The following ANKLE2 variants were observed in gnomAD, a reference collection of about 807,000 sequenced individuals.
The protein encoded by ANKLE2 is ankyrin repeat and LEM domain-containing protein 2.
Under a neutral mutation model 84.2 loss-of-function variants are expected in ANKLE2, and 55 were observed. The observed-to-expected ratio is 0.65, with a 90% CI of 0.53 to 0.82. The LOEUF is 0.82. Ranked by LOEUF, ANKLE2 falls within the 40% of genes least tolerant of loss-of-function variation. The pLI is 0.00. For missense variants in ANKLE2, 1,238 were observed against 1,201.9 expected (o/e 1.03, Z -0.44); for synonymous variants, 551 against 486.1 (o/e 1.13, Z -1.76).
chr12:132,741,380 C>A (rs200888327), intron 7 of ANKLE2, 39 bp downstream of exon 7: 1 of 1,606,264 alleles, frequency 6.2e-7, no homozygotes, highest in Non-Finnish European at 8.5e-7. Flanking sequence ...CCCTTCCCGG[C>A]GTGGACCCCA....
rs772473619 is a variant in ANKLE2, at chr12:132,734,483, C to A, written c.1793G>T (p.Arg598Ile). 9.3e-6 allele frequency: 15 copies of A among 1,614,116 alleles called. No individual in the cohort carries two copies. In the South Asian group the frequency reaches 1.6e-4, roughly 18 times the overall value. Residue 598 changes from arginine (R) to isoleucine (I), a missense_variant, in exon 10 of 13, where the codon AGA becomes ATA. Physicochemically the swap from Arg to Ile is moderately conservative, Grantham distance 97 (BLOSUM62 -3). Coordinates refer to ENST00000357997, the MANE Select transcript of ANKLE2 (RefSeq NM_015114.3). ...VDLSSQEGLQ[R>I]LEEYLTQQEI... ...CTGCTGTGTGAGATATTCTTCTAGT[C>A]TTTGCAGGCCTTCCTGGGAAGACAG...
chr12:132,729,107 C>A (rs1287377381), intron 11 of ANKLE2, among the ~76,000 whole-genome samples: 1 of 151,696 alleles, frequency 6.6e-6, no homozygotes, highest in Admixed American at 6.6e-5. Context: ...GATCCCAACA[C>A]TTTGGGAGGC....
chr12:132,761,776 G>GCCGCCAGCCGCGGCCA lies in ANKLE2; in HGVS notation c.7_22dup (p.Ala8ValfsTer60). The GCCGCCAGCCGCGGCCA allele has an allele frequency of 3.5e-6, 4 of 1,157,536 alleles. No homozygotes were observed. Among genetic ancestry groups the GCCGCCAGCCGCGGCCA allele is most frequent in the Non-Finnish European group, 2.1e-6 (2 of 942,100 alleles). 71.7% of individuals were successfully genotyped at this position (1,157,536 alleles called of 1,614,324 possible). ...CCAGGCCAGCGCCGCCCACTCGGCC[G>GCCGCCAGCCGCGGCCA]CCGCCAGCCGCGGCCACAGCATCGC... is the stretch of plus-strand genomic sequence containing the variant. On this transcript the variant is annotated frameshift_variant, in exon 1 of 13. Coordinates refer to ENST00000357997, the MANE Select transcript of ANKLE2 (RefSeq NM_015114.3). LOFTEE classifies it high-confidence loss of function.
chr12:132,756,491 C>T (rs2044487219), intron 1 of ANKLE2: 1 of 152,068 alleles, frequency 6.6e-6, no homozygotes, highest in South Asian at 2.1e-4. Flanking sequence ...GAGATGGCAA[C>T]CCTGCACTCC....
chr12:132,740,230 G>C (rs1279339315), intron 7 of ANKLE2, among the ~76,000 whole-genome samples: 1 of 152,210 alleles, frequency 6.6e-6, no homozygotes, highest in Non-Finnish European at 1.5e-5. Flanking sequence ...CTAACAGCAT[G>C]CAGGATTCAT....
intron 2 of ANKLE2, among the ~76,000 whole-genome samples, chr12:132,752,441 G>A (rs1456026512): frequency 6.6e-6 from 1 of 152,028 alleles, no homozygotes; most frequent in Non-Finnish European, 1.5e-5. Context: ...TAGCTCTGTC[G>A]CTCAGGCTGG....
At position 132,755,137 on chromosome 12, in the gene ANKLE2, GGCCC is replaced by G; in HGVS notation, c.182-8_182-5del. On this transcript the variant is annotated splice_region_variant and splice_polypyrimidine_tract_variant and intron_variant, in intron 1 of 12. Coordinates refer to ENST00000357997, the MANE Select transcript of ANKLE2 (RefSeq NM_015114.3). ...AGAGCATCCATTGTCATTTCACCTAGGCCCAAGACAAAAAAATCAAAGAGTCACA... is the reference window on the plus strand; with the variant it reads ...AGAGCATCCATTGTCATTTCACCTAGAAGACAAAAAAATCAAAGAGTCACA... 6.3e-7 allele frequency: 1 copy of G among 1,585,476 alleles called. No individual in the cohort carries two copies. The highest frequency in any genetic ancestry group is 1.8e-5 in the Admixed American group (1 of 55,880).
chr12:132,747,838 G>T lies in ANKLE2; in HGVS notation c.1224C>A (p.Asp408Glu), dbSNP rs2044270766. 1 of 1,598,764 alleles carries T rather than the reference G, an allele frequency of 6.3e-7. No individual in the cohort carries two copies. Among genetic ancestry groups the T allele is most frequent in the African/African-American group, 1.4e-5 (1 of 73,736 alleles). The change falls in exon 5 of 13, where the codon GAC (aspartate) becomes GAA (glutamate). Residue 408 changes from aspartate (D) to glutamate (E), a missense_variant. Coordinates refer to ENST00000357997, the MANE Select transcript of ANKLE2 (RefSeq NM_015114.3). ...GTGGAGGGTGTGCACGCACCATCTT[G>T]TCGGGGGTGTTGAGGTACAGGTCCA... is the stretch of plus-strand genomic sequence containing the variant. ...YVVDLYLNTP[D>E]KMGYDTPLHF...
intron 11 of ANKLE2, among the ~76,000 whole-genome samples, chr12:132,729,275 T>A (rs1239642588): frequency 7.3e-6 from 1 of 137,052 alleles, no homozygotes; most frequent in Non-Finnish European, 1.5e-5. Context: ...TGGTTGAACC[T>A]GGGAGGTGGA....
Position 132,761,721 on chromosome 12 carries a change from G to A in ANKLE2, c.78C>T (p.Ile26=). ...WELLGASVLL[I]AVRWLVRRLG... The stretch of plus-strand genomic sequence containing the variant: ...GCCGCCGCACCAGCCACCGCACAGC[G>A]ATCAGCAGCACCGAGGCGCCCAGCA... The change falls in exon 1 of 13, where the codon ATC becomes ATT. Residue 26 remains isoleucine (I), a synonymous_variant. Transcript: ENST00000357997. 1.5e-6 allele frequency: 2 copies of A among 1,343,942 alleles called. No individual in the cohort carries two copies. Among genetic ancestry groups the A allele is most frequent in the Non-Finnish European group, 1.9e-6 (2 of 1,039,514 alleles). 83.3% of individuals were successfully genotyped at this position (1,343,942 alleles called of 1,614,324 possible). A position where few individuals can be genotyped will look rare whatever the true frequency, so the allele number is the denominator to read the frequency against.
chr12:132,741,796 A>G, intron 6 of ANKLE2: 1 of 509,236 alleles, frequency 2.0e-6, no homozygotes, highest in South Asian at 1.5e-5. Context: ...AAGCACGTGA[A>G]CATGTTTCTA....
intron 6 of ANKLE2, 154 bp from the exon 7 acceptor site, chr12:132,741,639 G>C (rs1007923435): frequency 1.3e-6 from 1 of 750,742 alleles, no homozygotes; most frequent in African/African-American, 1.8e-5. Flanking sequence ...AACGTGTGAA[G>C]AGTGTGGTCT....
intron 12 of ANKLE2, among the ~76,000 whole-genome samples, chr12:132,727,697 T>C (rs77143244): frequency 9.4e-3 from 850 of 90,432 alleles, no homozygotes; most frequent in Middle Eastern, 0.013. Flanking sequence ...TGCGTCTGGG[T>C]GGAGGAGAGG....
chr12:132,741,910 C>T, intron 6 of ANKLE2: 1 of 449,688 alleles, frequency 2.2e-6, no homozygotes, highest in South Asian at 1.6e-5. Context: ...CACGGAACAT[C>T]AAAGTTCTAT....
In ANKLE2 at chr12:132,747,971, G is replaced by A. The variant is rs1218415939; in HGVS notation, c.1091C>T (p.Ala364Val). Residue 364 changes from alanine (A) to valine (V), a missense_variant, in exon 5 of 13, where the codon GCT becomes GTT. Coordinates refer to ENST00000357997, the MANE Select transcript of ANKLE2 (RefSeq NM_015114.3). ...VMHVAAKENQ[A>V]SICQLTLDVL... ...GTCCAGAGTCAGCTGGCAGATGGAA[G>A]CCTGGTTCTCTTTGGCAGCAACATG... 9 of 1,598,438 alleles carry A rather than the reference G, an allele frequency of 5.6e-6. No individual in the cohort carries two copies. The highest frequency in any genetic ancestry group is 1.9e-5 in the Admixed American group (1 of 53,570).
intron 7 of ANKLE2, among the ~76,000 whole-genome samples, chr12:132,740,968 C>T (rs975599913): frequency 2.0e-5 from 3 of 150,898 alleles, no homozygotes; most frequent in African/African-American, 7.3e-5. Flanking sequence ...CAGGGAGCGA[C>T]CCCCACCCCA....
chr12:132,761,641 C>G lies in ANKLE2; in HGVS notation c.158G>C (p.Ser53Thr). Residue 53 changes from serine (S) to threonine (T), a missense_variant, in exon 1 of 13, where the codon AGC becomes ACC. Ser to Thr is a moderately conservative substitution (Grantham distance 58). Transcript: ENST00000357997. The stretch of plus-strand genomic sequence containing the variant: ...ACCTGAGGCGGGGGCGGCGGCCGCG[C>G]TTGGCGGAGGAACTGGGGTCCCGCT... ...GRSGTPVPPPSAAAAPASGEM... is the reference protein window; with the variant it reads ...GRSGTPVPPPTAAAAPASGEM... 2 of 1,266,238 alleles carry G rather than the reference C, an allele frequency of 1.6e-6. No individual in the cohort carries two copies. Among genetic ancestry groups the G allele is most frequent in the Non-Finnish European group, 2.0e-6 (2 of 1,007,386 alleles). 78.4% of individuals were successfully genotyped at this position (1,266,238 alleles called of 1,614,324 possible).
chr12:132,741,382 TGGACC>T, intron 7 of ANKLE2, 32 bp downstream of exon 7: 1 of 1,609,348 alleles, frequency 6.2e-7, no homozygotes, highest in Non-Finnish European at 8.5e-7. Flanking sequence ...CTTCCCGGCG[TGGACC>T]CCACGATCCA....
chr12:132,751,784 C>T (rs1158957318), intron 2 of ANKLE2, among the ~76,000 whole-genome samples: 1 of 152,094 alleles, frequency 6.6e-6, no homozygotes, highest in African/African-American at 2.4e-5. Flanking sequence ...CTTAGGTGAC[C>T]TGCCCACCTC....
Sources: gnomAD v4.1 joint callset for allele counts (sites outside exome capture counted in the v4.1 genomes callset) on GRCh38, gnomAD v4.1.1 for gene constraint, MANE v1.5 for transcripts, NCBI Gene and HGNC (gene_info 2026-07-23, HGNC 2026-07-21) for gene names.